DOP1A: variants seen among roughly 807,000 people sequenced by gnomAD.
DOP1A encodes DOP1 leucine zipper like protein A.
Under a neutral mutation model 267.6 loss-of-function variants are expected in DOP1A, and 90 were observed. That is an observed-to-expected ratio of 0.34 (90% CI 0.28 to 0.40). The LOEUF is 0.40. DOP1A is among the 10% of genes least tolerant of loss of function. The probability of loss-of-function intolerance (pLI) is 1.00; values close to 1 mark genes in which losing one functional copy is unlikely to be tolerated. For missense variants in DOP1A, 2,437 were observed against 2,900.4 expected, an observed-to-expected ratio of 0.84 and a Z score of 3.67; for synonymous variants, 932 against 999.1, an observed-to-expected ratio of 0.93 and a Z score of 1.27.
rs1779399492 is a variant in DOP1A at position 83,140,247 on chromosome 6, C to T, written c.5259C>T (p.His1753=). ...HQLLVSVDQK[H]LFEARSGILS... is the part of the protein sequence containing the mutation. Reference sequence around the variant, plus strand: ...TTTTGGTCAGTGTAGACCAGAAACACTTGTTTGAAGCACGCAGTGGAATCC... The same window carrying T: ...TTTTGGTCAGTGTAGACCAGAAACATTTGTTTGAAGCACGCAGTGGAATCC... Residue 1753 remains histidine, a synonymous_variant, in exon 23 of 39, where the codon CAC becomes CAT. Coordinates refer to ENST00000349129, the MANE Select transcript of DOP1A (RefSeq NM_015018.4). The T allele has an allele frequency of 6.2e-7, 1 of 1,612,850 alleles. No homozygotes were observed. The highest frequency in any genetic ancestry group is 2.2e-5 in the East Asian group (1 of 44,858).
chr6:83,155,202 C>G (rs1385979424), intron 33 of DOP1A, among the ~76,000 whole-genome samples: 3 of 151,532 alleles, frequency 2.0e-5, no homozygotes, highest in Non-Finnish European at 1.5e-5. Flanking sequence ...TGGCTCACGC[C>G]TGTAATCCTA....
intron 4 of DOP1A, among the ~76,000 whole-genome samples, chr6:83,104,862 CAGG>C (rs1293211195): frequency 1.3e-5 from 2 of 151,776 alleles, no homozygotes; most frequent in Non-Finnish European, 2.9e-5. Context: ...TCAGTCTTAT[CAGG>C]AGTTTATCAA....
chr6:83,095,170 C>A (rs1287037531), intron 1 of DOP1A, among the ~76,000 whole-genome samples: 3 of 152,052 alleles, frequency 2.0e-5, no homozygotes, highest in South Asian at 2.1e-4. Flanking sequence ...TGACCTCAAG[C>A]GATCCGCCTA....
chr6:83,072,257 T>C (rs1582826383), intron 1 of DOP1A, among the ~76,000 whole-genome samples: 1 of 152,304 alleles, frequency 6.6e-6, no homozygotes, highest in East Asian at 1.9e-4. Flanking sequence ...TTATTTCGTG[T>C]TCATGAACAA....
chr6:83,119,352 C>A (rs945918341), intron 8 of DOP1A, among the ~76,000 whole-genome samples: 1 of 152,096 alleles, frequency 6.6e-6, no homozygotes, highest in Admixed American at 6.6e-5. Context: ...CATTGTCTTA[C>A]ACATCATACA....
At chr6:83,144,009 A>G (rs1780066273) in intron 24 of DOP1A, among the ~76,000 whole-genome samples, 1 of 152,170 alleles carries the variant, frequency 6.6e-6, no homozygotes, top group East Asian at 1.9e-4. Flanking sequence ...TGTTAACAGC[A>G]ACACTGGGAA....
At chr6:83,131,660 A>ATT (rs113613878) in intron 17 of DOP1A, among the ~76,000 whole-genome samples, 2 of 146,706 alleles carry the variant, frequency 1.4e-5, no homozygotes, top group African/African-American at 5.0e-5. Context: ...TACATGTCTG[A>ATT]TTTTTTTTTT....
At chr6:83,121,214 A>G (rs558659422) in intron 10 of DOP1A, among the ~76,000 whole-genome samples, 27 of 151,886 alleles carry the variant, frequency 1.8e-4, no homozygotes, top group Admixed American at 1.0e-3. Context: ...CTTATATATT[A>G]TGGCACTTGA....
At position 83,115,179 on chromosome 6, in the gene DOP1A, T is replaced by A. The variant is rs149259807; in HGVS notation, c.780+1758T>A. On this transcript the variant is annotated intron_variant, in intron 7 of 38. Transcript: ENST00000349129. ...CCCAAATCTGTAGTACTTACACCTT[T>A]GAGATTATAATAGACTTTTTTTCAT... Among the ~76,000 whole-genome samples, 636 of 152,292 alleles carry A rather than the reference T, an allele frequency of 4.2e-3. 3 individuals are homozygous for A. Among genetic ancestry groups the A allele is most frequent in the Non-Finnish European group, 5.9e-3 (401 of 68,012 alleles).
chr6:83,123,283 T>C (rs1776637953), intron 12 of DOP1A, among the ~76,000 whole-genome samples: 1 of 152,026 alleles, frequency 6.6e-6, no homozygotes, highest in Admixed American at 6.6e-5. Flanking sequence ...TAGCAAATTT[T>C]TGGCTGCTGC....
chr6:83,168,063 A>G lies in DOP1A; in HGVS notation c.7294A>G (p.Lys2432Glu), dbSNP rs777692526. The G allele has an allele frequency of 1.2e-6, 2 of 1,614,204 alleles. No individual in the cohort carries two copies. Among genetic ancestry groups the G allele is most frequent in the East Asian group, 4.5e-5 (2 of 44,882 alleles). Residue 2432 changes from lysine to glutamate, a missense_variant, in exon 39 of 39, where the codon AAG becomes GAG. Physicochemically the swap from Lys to Glu is moderately conservative, Grantham distance 56 (BLOSUM62 1). This residue lies in a region of DOP1A where 197 missense variants were observed against 246.5 expected (regional missense o/e 0.80). Transcript: ENST00000349129. ...CCTCTACTCAAATGCCTTCCCTAAT[A>G]AGGACATGAAACTGGAGAACCACAA... is the stretch of plus-strand genomic sequence containing the variant. ...PILYSNAFPN[K>E]DMKLENHKPC...
chr6:83,096,847 C>T, intron 2 of DOP1A, 24 bp downstream of exon 2: 1 of 1,049,134 alleles, frequency 9.5e-7, no homozygotes, highest in Non-Finnish European at 1.4e-6. Context: ...TCAAGTTAGT[C>T]ATTACCTTTG....
At position 83,138,364 on chromosome 6, in the gene DOP1A, T is replaced by C; in HGVS notation, c.4322T>C (p.Val1441Ala). ...MGKDFYSHIP[V>A]DSNHNFRSSM... Reference sequence around the variant, plus strand: ...AAAGATTTTTATAGTCACATTCCAGTGGACTCAAATCATAACTTCCGGAGT... The same window carrying C: ...AAAGATTTTTATAGTCACATTCCAGCGGACTCAAATCATAACTTCCGGAGT... Residue 1441 changes from valine (V) to alanine (A), a missense_variant, in exon 21 of 39, where the codon GTG becomes GCG. Physicochemically the swap from Val to Ala is moderately conservative, Grantham distance 64. Around this residue, in one of 9 missense-constraint regions of DOP1A, gnomAD observed 878 missense variants for 992.9 expected, o/e 0.88. Coordinates refer to ENST00000349129, the MANE Select transcript of DOP1A (RefSeq NM_015018.4). 4 of 1,611,042 alleles carry C rather than the reference T, an allele frequency of 2.5e-6. No individual in the cohort carries two copies. Among genetic ancestry groups the C allele is most frequent in the Non-Finnish European group, 3.4e-6 (4 of 1,179,906 alleles).
At chr6:83,109,633 ATATCTAACTATT>A (rs1343146648) in intron 5 of DOP1A, among the ~76,000 whole-genome samples, 2 of 152,194 alleles carry the variant, frequency 1.3e-5, no homozygotes, top group Non-Finnish European at 2.9e-5. Flanking sequence ...GGTACTCTTG[ATATCTAACTATT>A]CAAACAAAGT....
Position 83,110,423 on chromosome 6 carries a change from G to A in DOP1A, c.681+109G>A, listed in dbSNP as rs993567267. 1.7e-5 allele frequency: 19 copies of A among 1,114,154 alleles called. No individual in the cohort carries two copies. In the Admixed American group the frequency reaches 2.0e-4, roughly 12 times the overall value. 69.0% of individuals were successfully genotyped at this position (1,114,154 alleles called of 1,614,324 possible). A position where few individuals can be genotyped will look rare whatever the true frequency, so the allele number is the denominator to read the frequency against. On this transcript the variant is annotated intron_variant, in intron 6 of 38. Coordinates refer to ENST00000349129, the MANE Select transcript of DOP1A (RefSeq NM_015018.4). ...AATGAACAAAGTTCCTATTTTCATC[G>A]AGCTTACATTTATCAAGGAAAATTA...
chr6:83,117,119 T>TTTTAATTTTA (rs1775571298), intron 7 of DOP1A, among the ~76,000 whole-genome samples: 1 of 131,266 alleles, frequency 7.6e-6, no homozygotes, highest in Non-Finnish European at 1.6e-5. Flanking sequence ...TTTTAGTACT[T>TTTTAATTTTA]TTTTATTTTA....
intron 10 of DOP1A, 44 bp downstream of exon 10, chr6:83,120,835 T>C (rs1776249870): frequency 1.5e-6 from 2 of 1,338,298 alleles, no homozygotes; most frequent in Non-Finnish European, 2.0e-6. Flanking sequence ...TGTGGTACTT[T>C]TGTGTTAATA....
intron 20 of DOP1A, 143 bp from the exon 21 acceptor site, chr6:83,137,030 A>G: frequency 1.2e-6 from 1 of 843,590 alleles, no homozygotes. Context: ...TTCACCTGCA[A>G]TAAAATAAAA....
intron 38 of DOP1A, chr6:83,166,788 T>C (rs1183490357): frequency 9.5e-7 from 1 of 1,049,976 alleles, no homozygotes; most frequent in East Asian, 7.5e-5. Context: ...ACTAGGAAAC[T>C]AGTGATATTA....
Sources: allele counts gnomAD v4.1 joint callset (sites outside exome capture counted in the v4.1 genomes callset), GRCh38; gene constraint gnomAD v4.1.1; regional missense constraint gnomAD v4.1.1; transcripts MANE v1.5; gene names NCBI Gene and HGNC (gene_info 2026-07-23, HGNC 2026-07-21).